SLC6A7: variants seen among roughly 807,000 people sequenced by gnomAD.
The protein encoded by SLC6A7 is sodium-dependent proline transporter.
SLC6A7 carries 58 observed loss-of-function variants against 73.1 expected under a neutral mutation model. That is an observed-to-expected ratio of 0.79 (90% CI 0.64 to 0.99). SLC6A7 has a LOEUF of 0.99. SLC6A7 is among the 50% of genes least tolerant of loss of function. The probability of loss-of-function intolerance (pLI) is 0.00; values close to 1 mark genes in which losing one functional copy is unlikely to be tolerated. For missense variants in SLC6A7, 783 were observed against 831.4 expected (o/e 0.94, Z 0.72); for synonymous variants, 338 against 338.7 (o/e 1.00, Z 0.02).
rs756497400 is a variant in SLC6A7, at chr5:150,197,277, G to A, written c.584+1G>A. 3 of 1,593,138 alleles carry A rather than the reference G, an allele frequency of 1.9e-6. No homozygotes were observed. The highest frequency in any genetic ancestry group is 1.1e-5 in the South Asian group (1 of 88,462). Reference sequence around the variant, plus strand: ...TCAGCCCCAGCGAGGAGTACTGGAGGTCAGGCAGCTGCTGGCCCCGCGGCA... The same window carrying A: ...TCAGCCCCAGCGAGGAGTACTGGAGATCAGGCAGCTGCTGGCCCCGCGGCA... On this transcript the variant is annotated splice_donor_variant, in intron 4 of 13. Coordinates refer to ENST00000230671, the MANE Select transcript of SLC6A7 (RefSeq NM_014228.5). LOFTEE classifies it high-confidence loss of function.
chr5:150,191,287 A>G (rs1041213143), intron 1 of SLC6A7, among the ~76,000 whole-genome samples: 6 of 152,218 alleles, frequency 3.9e-5, no homozygotes, highest in Non-Finnish European at 8.8e-5. Context: ...ATGTGAGAAG[A>G]CTGTTCTCAG....
Position 150,190,176 on chromosome 5 carries a change from G to T in SLC6A7, c.-152G>T. 1.8e-6 allele frequency: 1 copy of T among 567,384 alleles called. No homozygotes were observed. 35.1% of individuals were successfully genotyped at this position (567,384 alleles called of 1,614,324 possible). On this transcript the variant is annotated 5_prime_UTR_variant, in exon 1 of 14. Transcript: ENST00000230671. ...AGCGCCCTGCCCGCGCTCCACGCCCGCAGCCGCCAGACGGCAGCGCCTGCG... is the reference window on the plus strand; with the variant it reads ...AGCGCCCTGCCCGCGCTCCACGCCCTCAGCCGCCAGACGGCAGCGCCTGCG...
rs550015607 is a variant in SLC6A7, at chr5:150,198,998, T to C, written c.585-230T>C. ...AAGAAGAGGAAGGGTGGTCTCGAAC[T>C]CCTATCCTCAAGTGATCTTCCTTCC... On this transcript the variant is annotated intron_variant, in intron 4 of 13. Transcript: ENST00000230671. 1.8e-4 allele frequency among the ~76,000 whole-genome samples: 27 copies of C among 152,248 alleles called. 1 individual carries two copies. In the South Asian group the frequency reaches 5.6e-3, roughly 32 times the overall value.
chr5:150,203,751 T>C lies in SLC6A7; in HGVS notation c.1172T>C (p.Met391Thr). The C allele has an allele frequency of 6.2e-7, 1 of 1,608,776 alleles. No homozygotes were observed. The highest frequency in any genetic ancestry group is 1.1e-5 in the South Asian group (1 of 90,926). ...SPFWSFLFFF[M>T]LLTLGLDSQF... ...TTCTGGTCCTTTCTCTTCTTCTTCA[T>C]GCTTCTGACTCTCGGCCTAGATAGC... Residue 391 changes from methionine to threonine, a missense_variant, in exon 9 of 14, where the codon ATG becomes ACG. Met to Thr is a moderately conservative substitution (Grantham distance 81). Transcript: ENST00000230671.
Position 150,194,911 on chromosome 5 carries a change from G to T in SLC6A7, c.217G>T (p.Gly73Cys). The change falls in exon 2 of 14, where the codon GGC becomes TGC. Residue 73 changes from glycine (G) to cysteine (C), a missense_variant and splice_region_variant. By Grantham distance (159) the Gly-to-Cys change is radical (BLOSUM62 -3). Transcript: ENST00000230671. ...CTATCGAGCGTACACCAATGGAGGA[G>T]GTATGGGCCTGAGGTCCTGTCGGAG... ...FPYRAYTNGGGAFLVPYFLML... is the reference protein window; with the variant it reads ...FPYRAYTNGGCAFLVPYFLML... 1 of 1,612,622 alleles carries T rather than the reference G, an allele frequency of 6.2e-7. No homozygotes were observed. The highest frequency in any genetic ancestry group is 2.2e-5 in the East Asian group (1 of 44,846).
At chr5:150,197,406 G>T in intron 4 of SLC6A7, 130 bp downstream of exon 4, 1 of 610,598 alleles carries the variant, frequency 1.6e-6, no homozygotes. Context: ...GTGGACTCTG[G>T]CTTCTAATCC....
At position 150,209,424 on chromosome 5, in the gene SLC6A7, C is replaced by T. The variant is rs144483863; in HGVS notation, c.1720C>T (p.Arg574Trp). The change falls in exon 14 of 14, where the codon CGG becomes TGG. Residue 574 changes from arginine (R) to tryptophan (W), a missense_variant. Coordinates refer to ENST00000230671, the MANE Select transcript of SLC6A7 (RefSeq NM_014228.5). ...GCTGCAGCGGCTCCAACAGGCCAGC[C>T]GGCCGGCCATGGACTGGGGACCATC... is the stretch of plus-strand genomic sequence containing the variant. Reference protein sequence around the residue: ...SLWERLQQASRPAMDWGPSLE... With the variant: ...SLWERLQQASWPAMDWGPSLE... The T allele has an allele frequency of 9.5e-5, 154 of 1,613,488 alleles. No individual in the cohort carries two copies. The highest frequency in any genetic ancestry group is 1.3e-4 in the African/African-American group (10 of 74,920).
intron 4 of SLC6A7, among the ~76,000 whole-genome samples, chr5:150,198,075 GAAAGA>G (rs1753136441): frequency 2.1e-5 from 2 of 94,364 alleles, no homozygotes; most frequent in South Asian, 6.7e-4. Context: ...AAGAAAGAAA[GAAAGA>G]AAGAAAGAAA....
At chr5:150,196,622 G>T (rs1298918294) in intron 2 of SLC6A7, 94 bp from the exon 3 acceptor site, 1 of 1,225,684 alleles carries the variant, frequency 8.2e-7, no homozygotes. Context: ...CAGGTCTGAG[G>T]GGGCATCTGC....
chr5:150,190,544 C>T (rs1263443346), intron 1 of SLC6A7, among the ~76,000 whole-genome samples, 184 bp downstream of exon 1: 1 of 152,190 alleles, frequency 6.6e-6, no homozygotes, highest in African/African-American at 2.4e-5. Flanking sequence ...CACCTCTGCC[C>T]CTGCCATCTG....
intron 6 of SLC6A7, 28 bp downstream of exon 6, chr5:150,201,251 G>A: frequency 6.3e-7 from 1 of 1,580,224 alleles, no homozygotes; most frequent in East Asian, 2.3e-5. Context: ...GGGTGCAGAG[G>A]GAGGGGCCAG....
intron 13 of SLC6A7, among the ~76,000 whole-genome samples, chr5:150,208,734 A>C (rs574829430): frequency 4.9e-4 from 75 of 152,264 alleles, no homozygotes; most frequent in African/African-American, 1.8e-3. Flanking sequence ...CTGGCATGAC[A>C]GGCAGAGGGA....
chr5:150,201,229 C>A lies in SLC6A7; in HGVS notation c.858+6C>A. 6.2e-7 allele frequency: 1 copy of A among 1,600,570 alleles called. No individual in the cohort carries two copies. Among genetic ancestry groups the A allele is most frequent in the Non-Finnish European group, 8.5e-7 (1 of 1,173,132 alleles). ...ACCACTTGTTGTCTTCCAAGGTGAGCCCCTCAGGGCGGGGTGCAGAGGGAG... is the reference window on the plus strand; with the variant it reads ...ACCACTTGTTGTCTTCCAAGGTGAGACCCTCAGGGCGGGGTGCAGAGGGAG... On this transcript the variant is annotated splice_donor_region_variant and intron_variant, in intron 6 of 13. Coordinates refer to ENST00000230671, the MANE Select transcript of SLC6A7 (RefSeq NM_014228.5).
chr5:150,190,174 C>T lies in SLC6A7; in HGVS notation c.-154C>T. 1 of 562,862 alleles carries T rather than the reference C, an allele frequency of 1.8e-6. No homozygotes were observed. Among genetic ancestry groups the T allele is most frequent in the Non-Finnish European group, 2.9e-6 (1 of 340,162 alleles). 34.9% of individuals were successfully genotyped at this position (562,862 alleles called of 1,614,324 possible). On this transcript the variant is annotated 5_prime_UTR_variant, in exon 1 of 14. Coordinates refer to ENST00000230671, the MANE Select transcript of SLC6A7 (RefSeq NM_014228.5). ...GCAGCGCCCTGCCCGCGCTCCACGC[C>T]CGCAGCCGCCAGACGGCAGCGCCTG...
rs575597294 is a variant in SLC6A7 at position 150,200,670 on chromosome 5, T to G, written c.724-419T>G. ...AACCATATAGAAAGAGAGAAGAGGT[T>G]ATGGTCAAAGCCAAGGCAGTGAGGA... On this transcript the variant is annotated intron_variant, in intron 5 of 13. Transcript: ENST00000230671. Among the ~76,000 whole-genome samples, 64 of 152,210 alleles carry G rather than the reference T, an allele frequency of 4.2e-4. 1 individual carries two copies. The East Asian group carries it at 8.9e-3, about 21-fold the overall frequency.
intron 8 of SLC6A7, 67 bp downstream of exon 8, chr5:150,202,770 G>A: frequency 6.4e-7 from 1 of 1,553,822 alleles, no homozygotes; most frequent in Non-Finnish European, 8.8e-7. Context: ...CTGGGCCAGT[G>A]GACCAGCAAG....
At chr5:150,204,133 C>T (rs1345895030) in intron 10 of SLC6A7, 95 bp downstream of exon 10, 6 of 1,238,552 alleles carry the variant, frequency 4.8e-6, no homozygotes, top group Non-Finnish European at 5.6e-6. Context: ...GCTGGGCCCC[C>T]TCCATCTTCC....
chr5:150,193,057 A>G (rs534404438), intron 1 of SLC6A7, among the ~76,000 whole-genome samples: 1 of 152,204 alleles, frequency 6.6e-6, no homozygotes, highest in African/African-American at 2.4e-5. Flanking sequence ...CAGCATGTCC[A>G]TGATCACAGC....
chr5:150,196,597 C>T, intron 2 of SLC6A7, 119 bp from the exon 3 acceptor site: 1 of 994,492 alleles, frequency 1.0e-6, no homozygotes, highest in South Asian at 1.6e-5. Context: ...AGAAAAGAAA[C>T]CTACAGTGTT....
Sources: gnomAD v4.1 joint callset for allele counts (sites outside exome capture counted in the v4.1 genomes callset) on GRCh38, gnomAD v4.1.1 for gene constraint, MANE v1.5 for transcripts, NCBI Gene and HGNC (gene_info 2026-07-23, HGNC 2026-07-21) for gene names.